KCNIP4: variants seen among roughly 807,000 people sequenced by gnomAD.
The protein encoded by KCNIP4 is Kv channel-interacting protein 4.
KCNIP4 carries 12 observed loss-of-function variants against 34.0 expected under a neutral mutation model. The ratio of observed to expected loss-of-function variants is 0.35; its 90% CI spans 0.23 to 0.57. KCNIP4 has a LOEUF of 0.57. Among genes scored for constraint, KCNIP4 ranks in the 20% least tolerant of loss-of-function variants. The pLI is 0.83. For synonymous variants in KCNIP4, 124 were observed against 102.2 expected (o/e 1.21, Z -1.29); for missense variants, 238 against 311.7 (o/e 0.76, Z 1.78).
At chr4:21,637,653 C>G (rs988205240) in intron 1 of KCNIP4, among the ~76,000 whole-genome samples, 7 of 151,804 alleles carry the variant, frequency 4.6e-5, no homozygotes, top group Admixed American at 3.3e-4. Context: ...CATGGTGGCG[C>G]ACACCTGTAA....
At chr4:20,874,860 G>A (rs374170999) in intron 2 of KCNIP4, among the ~76,000 whole-genome samples, 1 of 152,108 alleles carries the variant, frequency 6.6e-6, no homozygotes, top group Non-Finnish European at 1.5e-5. Flanking sequence ...ATATCTGAAC[G>A]ATAGGGCCAA....
At chr4:21,079,733 A>C (rs1243707800) in intron 1 of KCNIP4, among the ~76,000 whole-genome samples, 1 of 151,844 alleles carries the variant, frequency 6.6e-6, no homozygotes, top group Non-Finnish European at 1.5e-5. Context: ...TGGATTATCC[A>C]AATCAGTTCA....
At chr4:20,757,557 C>G (rs1754585797) in intron 4 of KCNIP4, among the ~76,000 whole-genome samples, 1 of 152,166 alleles carries the variant, frequency 6.6e-6, no homozygotes, top group Non-Finnish European at 1.5e-5. Context: ...CAAATCCTGG[C>G]AATTTCCTGC....
At chr4:21,089,010 C>T (rs962442639) in intron 1 of KCNIP4, among the ~76,000 whole-genome samples, 6 of 152,074 alleles carry the variant, frequency 3.9e-5, no homozygotes, top group Non-Finnish European at 5.9e-5. Context: ...GATATCATGT[C>T]CTATTATAAC....
intron 1 of KCNIP4, among the ~76,000 whole-genome samples, chr4:21,038,039 A>G (rs573069394): frequency 1.3e-5 from 2 of 152,278 alleles, no homozygotes; most frequent in East Asian, 1.9e-4. Flanking sequence ...GCTGGAGTGC[A>G]GTGGAGCAGC....
chr4:21,938,067 T>C (rs900229503), intron 1 of KCNIP4, among the ~76,000 whole-genome samples: 1 of 152,130 alleles, frequency 6.6e-6, no homozygotes, highest in African/African-American at 2.4e-5. Context: ...TACTGTTCCC[T>C]GATTGTAGTA....
intron 1 of KCNIP4, among the ~76,000 whole-genome samples, chr4:21,487,876 T>G (rs750012039): frequency 2.4e-4 from 36 of 152,248 alleles, no homozygotes; most frequent in Non-Finnish European, 4.0e-4. Flanking sequence ...TTTATTTATT[T>G]AACACTTCCT....
At chr4:21,179,511 T>C (rs1754688261) in intron 1 of KCNIP4, among the ~76,000 whole-genome samples, 1 of 152,176 alleles carries the variant, frequency 6.6e-6, no homozygotes, top group South Asian at 2.1e-4. Flanking sequence ...GCAATATTGG[T>C]TAGCTAAATA....
rs145473985 is a variant in KCNIP4 at position 21,925,173 on chromosome 4, T to C, written c.61+23398A>G. ...TACGTATACATGTGCCATGTTAGTGTGCTGCACCCATTAACTCGTCATTTA... is the reference window on the plus strand; with the variant it reads ...TACGTATACATGTGCCATGTTAGTGCGCTGCACCCATTAACTCGTCATTTA... On this transcript the variant is annotated intron_variant, in intron 1 of 8. Coordinates refer to ENST00000382152, the MANE Select transcript of KCNIP4 (RefSeq NM_025221.6). Among the ~76,000 whole-genome samples the C allele has an allele frequency of 7.8e-3, 1,193 of 152,236 alleles. 10 individuals are homozygous for C. Among genetic ancestry groups the C allele is most frequent in the South Asian group, 0.013 (64 of 4,816 alleles).
intron 1 of KCNIP4, among the ~76,000 whole-genome samples, chr4:21,189,551 A>T (rs534367562): frequency 6.6e-6 from 1 of 152,244 alleles, no homozygotes; most frequent in Non-Finnish European, 1.5e-5. Context: ...TAAAAGCCCA[A>T]TGATAGCTCA....
At chr4:20,985,529 T>A (rs549141195) in intron 1 of KCNIP4, among the ~76,000 whole-genome samples, 1 of 152,244 alleles carries the variant, frequency 6.6e-6, no homozygotes, top group Non-Finnish European at 1.5e-5. Context: ...GCAGTGGGCA[T>A]AGTGACTGGA....
chr4:21,470,266 G>T (rs1373488613), intron 1 of KCNIP4, among the ~76,000 whole-genome samples: 1 of 152,108 alleles, frequency 6.6e-6, no homozygotes, highest in Admixed American at 6.6e-5. Flanking sequence ...AGGGAGATTA[G>T]CTCCTTTCTG....
intron 1 of KCNIP4, among the ~76,000 whole-genome samples, chr4:21,317,555 C>T (rs1184794883): frequency 6.6e-6 from 1 of 152,066 alleles, no homozygotes; most frequent in Non-Finnish European, 1.5e-5. Context: ...TATAAGGTGA[C>T]AATGTGTGAC....
intron 1 of KCNIP4, among the ~76,000 whole-genome samples, chr4:21,664,686 C>T (rs1202235128): frequency 1.3e-5 from 2 of 152,012 alleles, no homozygotes; most frequent in Non-Finnish European, 2.9e-5. Flanking sequence ...TCAGTTGCTT[C>T]CCAGATATAC....
intron 1 of KCNIP4, among the ~76,000 whole-genome samples, chr4:21,233,981 A>T (rs955169270): frequency 7.3e-6 from 1 of 137,594 alleles, no homozygotes. Flanking sequence ...TATAACATAT[A>T]TAACATATAA....
intron 4 of KCNIP4, 104 bp downstream of exon 4, chr4:20,758,717 A>G: frequency 3.5e-6 from 3 of 868,128 alleles, no homozygotes; most frequent in Non-Finnish European, 3.8e-6. Context: ...ATTCTTTTAC[A>G]TAACGATTAA....
intron 1 of KCNIP4, among the ~76,000 whole-genome samples, chr4:20,964,761 T>C (rs1488381148): frequency 6.6e-6 from 1 of 152,212 alleles, no homozygotes; most frequent in Non-Finnish European, 1.5e-5. Flanking sequence ...TCCAATTTTC[T>C]TAGCCTTTGA....
intron 1 of KCNIP4, among the ~76,000 whole-genome samples, chr4:21,454,726 C>T (rs1728780621): frequency 6.6e-6 from 1 of 152,102 alleles, no homozygotes. Context: ...TCAAGGTTGA[C>T]AGCTTTAGCA....
chr4:21,730,201 G>A (rs1356379517), intron 1 of KCNIP4: 1 of 152,134 alleles, frequency 6.6e-6, no homozygotes, highest in Non-Finnish European at 1.5e-5. Flanking sequence ...GCCTGGCTCA[G>A]TATCACCCAG....
Sources: allele counts gnomAD v4.1 joint callset (sites outside exome capture counted in the v4.1 genomes callset), GRCh38; gene constraint gnomAD v4.1.1; transcripts MANE v1.5; gene names NCBI Gene and HGNC (gene_info 2026-07-23, HGNC 2026-07-21).